The following ITFG2 variants were observed in gnomAD, a reference collection of about 807,000 sequenced individuals.
The protein encoded by ITFG2 is integrin alpha FG-GAP repeat containing 2, also known as KICSTOR complex protein ITFG2.
In ITFG2, 36 loss-of-function variants were observed where a neutral mutation model predicts 54.4. The observed-to-expected ratio is 0.66, with a 90% CI of 0.51 to 0.87. The LOEUF is 0.87. Among genes scored for constraint, ITFG2 ranks in the 40% least tolerant of loss-of-function variants. The pLI, the probability that ITFG2 is intolerant of heterozygous loss-of-function variation, is 0.00. For synonymous variants in ITFG2, 211 were observed against 225.4 expected (o/e 0.94, Z 0.57); for missense variants, 524 against 576.7 (o/e 0.91, Z 0.94).
chr12:2,822,476 G>C (rs1316143804), intron 9 of ITFG2, among the ~76,000 whole-genome samples: 1 of 152,192 alleles, frequency 6.6e-6, no homozygotes, highest in Non-Finnish European at 1.5e-5. Flanking sequence ...TGAATCAGCA[G>C]GTAGGGGCTA....
At chr12:2,830,706 A>G (rs2097997092) in intron 2 of ITFG2, 2 of 1,608,432 alleles carry the variant, frequency 1.2e-6, no homozygotes, top group African/African-American at 2.7e-5. Context: ...GAGGCCTCTC[A>G]CCTTGCAGTT....
chr12:2,842,204 G>A (rs143022816), intron 2 of ITFG2, among the ~76,000 whole-genome samples: 24,234 of 128,102 alleles, frequency 0.19, 2,212 homozygotes, highest in South Asian at 0.37. Flanking sequence ...TCACTGCAAC[G>A]TCTGCCTCCT....
rs543991183 is a variant in ITFG2 at position 2,820,841 on chromosome 12, C to G, written c.664C>G (p.Pro222Ala). ...CTWKKDTGSPPASEGPTDGSR... is the reference protein window; with the variant it reads ...CTWKKDTGSPAASEGPTDGSR... ...CTGGAAAAAGGACACTGGGTCCCCTCCTGCCTCTGAAGGGCCCACGGATGG... is the reference window on the plus strand; with the variant it reads ...CTGGAAAAAGGACACTGGGTCCCCTGCTGCCTCTGAAGGGCCCACGGATGG... Residue 222 changes from proline to alanine, a missense_variant, in exon 6 of 12, where the codon CCT becomes GCT. By Grantham distance (27) the Pro-to-Ala change is conservative. Coordinates refer to ENST00000228799, the MANE Select transcript of ITFG2 (RefSeq NM_018463.4). 4.3e-6 allele frequency: 7 copies of G among 1,614,060 alleles called. No individual in the cohort carries two copies. The highest frequency in any genetic ancestry group is 5.9e-6 in the Non-Finnish European group (7 of 1,179,964).
chr12:2,824,260 T>A lies in ITFG2; in HGVS notation c.*67T>A, dbSNP rs557468859. The A allele has an allele frequency of 1.7e-4, 249 of 1,482,688 alleles. 1 individual carries two copies. The South Asian group carries it at 2.6e-3, about 15-fold the overall frequency. 91.8% of individuals were successfully genotyped at this position (1,482,688 alleles called of 1,614,324 possible). Reference sequence around the variant, plus strand: ...CCACCCTACCCCCTAAAGGTATCTGTGGTATTGGCAGGATAGGGAATATGC... The same window carrying A: ...CCACCCTACCCCCTAAAGGTATCTGAGGTATTGGCAGGATAGGGAATATGC... On this transcript the variant is annotated 3_prime_UTR_variant, in exon 12 of 12. Transcript: ENST00000228799.
At chr12:2,817,148 T>C (rs1485753223) in intron 1 of ITFG2, 75 bp from the exon 2 acceptor site, 11 of 925,154 alleles carry the variant, frequency 1.2e-5, no homozygotes, top group Non-Finnish European at 1.9e-5. Flanking sequence ...TACCCTTGGC[T>C]AGGCTAAGTA....
intron 2 of ITFG2, among the ~76,000 whole-genome samples, chr12:2,851,150 C>T (rs2098069664): frequency 6.7e-6 from 1 of 150,170 alleles, no homozygotes; most frequent in Non-Finnish European, 1.5e-5. Context: ...GCGACAAGAG[C>T]GAAACTCCAT....
intron 9 of ITFG2, 108 bp downstream of exon 9, chr12:2,821,900 A>G (rs2097946230): frequency 1.4e-6 from 1 of 714,026 alleles, no homozygotes; most frequent in Admixed American, 2.7e-5. Context: ...CCCAACCTTT[A>G]TCTTTAGTCT....
intron 2 of ITFG2, among the ~76,000 whole-genome samples, chr12:2,850,500 G>A (rs958258619): frequency 9.3e-5 from 14 of 150,768 alleles, no homozygotes; most frequent in South Asian, 6.3e-4. Context: ...AAAAAATGGG[G>A]CCCCAGGTCA....
chr12:2,849,002 C>T, intron 2 of ITFG2: 2 of 543,878 alleles, frequency 3.7e-6, no homozygotes, highest in Non-Finnish European at 6.4e-6. Flanking sequence ...AGTCCTCCCA[C>T]CTTCGATGAG....
chr12:2,821,929 T>A, intron 9 of ITFG2, 137 bp downstream of exon 9: 4 of 629,500 alleles, frequency 6.4e-6, no homozygotes, highest in Non-Finnish European at 1.1e-5. Flanking sequence ...TTTTTTTTTT[T>A]CCTTTTTTTT....
chr12:2,819,901 C>A, intron 4 of ITFG2, 185 bp from the exon 5 acceptor site: 2 of 600,742 alleles, frequency 3.3e-6, no homozygotes, highest in Non-Finnish European at 5.4e-6. Context: ...AGCTGCGGAA[C>A]AGATGGACCA....
At position 2,823,908 on chromosome 12, in the gene ITFG2, C is replaced by T. The variant is rs746247783; in HGVS notation, c.1205C>T (p.Pro402Leu). ...TNLVKLLETK[P>L]EYHSLLQELG... is the part of the protein sequence containing the mutation. ...CTGGTGAAACTGCTGGAGACCAAGC[C>T]GGAGTACCACAGCCTGCTGCAGGAG... Residue 402 changes from proline to leucine, a missense_variant, in exon 11 of 12, where the codon CCG becomes CTG. By Grantham distance (98) the Pro-to-Leu change is moderately conservative (BLOSUM62 -3). Coordinates refer to ENST00000228799, the MANE Select transcript of ITFG2 (RefSeq NM_018463.4). 1.9e-5 allele frequency: 30 copies of T among 1,613,280 alleles called. No individual in the cohort carries two copies. The South Asian group carries it at 2.2e-4, about 12-fold the overall frequency.
At chr12:2,823,713 C>T in intron 10 of ITFG2, 57 bp from the exon 11 acceptor site, 3 of 1,502,422 alleles carry the variant, frequency 2.0e-6, no homozygotes, top group Non-Finnish European at 2.7e-6. Flanking sequence ...TGCTGTCTGC[C>T]CCCCACTGTC....
chr12:2,856,919 C>T, intron 2 of ITFG2: 1 of 702,922 alleles, frequency 1.4e-6, no homozygotes. Flanking sequence ...CAGTGGGGTA[C>T]AAAAAGGTAG....
chr12:2,830,603 TTCTC>T, intron 2 of ITFG2: 5 of 1,260,448 alleles, frequency 4.0e-6, no homozygotes, highest in Non-Finnish European at 5.4e-6. Flanking sequence ...GAGGTGCCCT[TTCTC>T]CCTCCCTCCC....
chr12:2,823,595 TC>T (rs1472564987), intron 10 of ITFG2, among the ~76,000 whole-genome samples, 174 bp from the exon 11 acceptor site: 1 of 152,190 alleles, frequency 6.6e-6, no homozygotes. Context: ...CCAGGTCTTT[TC>T]CCATCTTACT....
At position 2,830,762 on chromosome 12, in the gene ITFG2, C is replaced by A. The variant is rs757489683; in HGVS notation, c.*60-72C>A. 39 of 1,613,884 alleles carry A rather than the reference C, an allele frequency of 2.4e-5. No homozygotes were observed. In the South Asian group the frequency reaches 4.2e-4, roughly 17 times the overall value. On this transcript the variant is annotated intron_variant and NMD_transcript_variant, in intron 2 of 2. Coordinates refer to the ITFG2 transcript ENST00000538822. ...CTGTCCTGCTGGTCTTCCTCCTGCT[C>A]TCCTGGCCATGAATCAGGTCCTGCA...
At chr12:2,850,241 C>T (rs936941285) in intron 2 of ITFG2, among the ~76,000 whole-genome samples, 5 of 152,106 alleles carry the variant, frequency 3.3e-5, no homozygotes, top group Admixed American at 2.6e-4. Flanking sequence ...TTTGGGAGGC[C>T]GAGGCGGGTG....
intron 2 of ITFG2, among the ~76,000 whole-genome samples, chr12:2,856,596 C>T (rs1303464868): frequency 2.0e-5 from 3 of 152,232 alleles, no homozygotes; most frequent in Non-Finnish European, 4.4e-5. Flanking sequence ...CTCCTAACCT[C>T]AGGTGAACCG....
Sources: gnomAD v4.1 joint callset for allele counts (sites outside exome capture counted in the v4.1 genomes callset) on GRCh38, gnomAD v4.1.1 for gene constraint, MANE v1.5 for transcripts, NCBI Gene and HGNC (gene_info 2026-07-23, HGNC 2026-07-21) for gene names.